CRTC1: variants seen among roughly 807,000 people sequenced by gnomAD.
CRTC1 encodes the protein CREB regulated transcription coactivator 1.
Under a neutral mutation model 66.1 loss-of-function variants are expected in CRTC1, and 18 were observed. The observed-to-expected ratio is 0.27, with a 90% CI of 0.19 to 0.40. The LOEUF is 0.40. Among genes scored for constraint, CRTC1 ranks in the 10% least tolerant of loss-of-function variants. The probability of loss-of-function intolerance (pLI) is 1.00; values close to 1 mark genes in which losing one functional copy is unlikely to be tolerated. For synonymous variants in CRTC1, 416 were observed against 398.8 expected (o/e 1.04, Z -0.51); for missense variants, 669 against 887.9 (o/e 0.75, Z 3.13).
In CRTC1 at chr19:18,781,341, T is replaced by C; in HGVS notation, c.*3959T>C. 1 of 227,744 alleles carries C rather than the reference T, an allele frequency of 4.4e-6. No homozygotes were observed. Among genetic ancestry groups the C allele is most frequent in the African/African-American group, 2.2e-5 (1 of 45,082 alleles). 14.1% of individuals were successfully genotyped at this position (227,744 alleles called of 1,614,324 possible). A position where few individuals can be genotyped will look rare whatever the true frequency, so the allele number is the denominator to read the frequency against. ...ACACCTGGGTCTCTTTCTACCCCCA[T>C]TCACCATGGACCAGGGGCCTCCATT... On this transcript the variant is annotated 3_prime_UTR_variant, in exon 14 of 14. Transcript: ENST00000321949.
intron 1 of CRTC1, among the ~76,000 whole-genome samples, chr19:18,730,630 C>T (rs750047676): frequency 1.3e-5 from 2 of 152,146 alleles, no homozygotes; most frequent in Non-Finnish European, 2.9e-5. Context: ...AGCCTCCACT[C>T]CCACCCCTGC....
intron 1 of CRTC1, among the ~76,000 whole-genome samples, chr19:18,707,341 C>T (rs1441343288): frequency 1.3e-5 from 2 of 152,072 alleles, no homozygotes; most frequent in Admixed American, 6.6e-5. Flanking sequence ...TTTCCAGAGC[C>T]GTTTTGTTGA....
intron 9 of CRTC1, among the ~76,000 whole-genome samples, chr19:18,766,311 G>C (rs1555787888): frequency 8.8e-6 from 1 of 113,988 alleles, no homozygotes; most frequent in South Asian, 2.9e-4. Flanking sequence ...TTTTTTTTTG[G>C]TATTTTTAGT....
chr19:18,726,942 A>G (rs1332169242), intron 1 of CRTC1, among the ~76,000 whole-genome samples: 1 of 151,510 alleles, frequency 6.6e-6, no homozygotes, highest in Admixed American at 6.6e-5. Flanking sequence ...AAAAAAAAAA[A>G]AAAAAAAAAA....
chr19:18,686,847 G>C (rs1357005099), intron 1 of CRTC1, among the ~76,000 whole-genome samples: 1 of 151,900 alleles, frequency 6.6e-6, no homozygotes, highest in South Asian at 2.1e-4. Flanking sequence ...GGGGACACTT[G>C]GTGATGTCTG....
chr19:18,709,891 C>T (rs1310802361), intron 1 of CRTC1, among the ~76,000 whole-genome samples: 4 of 152,194 alleles, frequency 2.6e-5, no homozygotes, highest in Non-Finnish European at 4.4e-5. Flanking sequence ...CCTCCAGCAG[C>T]GGTGACTTTG....
intron 1 of CRTC1, among the ~76,000 whole-genome samples, chr19:18,707,010 C>T (rs917693176): frequency 2.0e-5 from 3 of 152,046 alleles, no homozygotes; most frequent in Non-Finnish European, 2.9e-5. Flanking sequence ...CTGTTGATTA[C>T]GTCTTTTGAT....
chr19:18,691,835 T>A (rs1348017484), intron 1 of CRTC1, among the ~76,000 whole-genome samples: 1 of 152,042 alleles, frequency 6.6e-6, no homozygotes, highest in Non-Finnish European at 1.5e-5. Context: ...TGCCTCAGCC[T>A]CCCGAGTAAC....
At position 18,747,129 on chromosome 19, in the gene CRTC1, A is replaced by ACCCCCCCCCCCC. The variant is rs56040769; in HGVS notation, c.443+25_443+26insCCCCCCCCCCCC. On this transcript the variant is annotated intron_variant, in intron 4 of 13. Transcript: ENST00000321949. ...AGCTGGAGAAGGTCAGTGGCTGGACACCCCCCCCCCGCCCCCTTCTTGTTG... is the reference window on the plus strand; with the variant it reads ...AGCTGGAGAAGGTCAGTGGCTGGACACCCCCCCCCCCCCCCCCCCCCCGCCCCCTTCTTGTTG... The ACCCCCCCCCCCC allele has an allele frequency of 3.8e-5, 42 of 1,109,930 alleles. No homozygotes were observed. The highest frequency in any genetic ancestry group is 1.3e-4 in the South Asian group (9 of 69,400). 68.8% of individuals were successfully genotyped at this position (1,109,930 alleles called of 1,614,324 possible). A position where few individuals can be genotyped will look rare whatever the true frequency, so the allele number is the denominator to read the frequency against.
At chr19:18,745,757 T>A (rs1001762753) in intron 2 of CRTC1, 66 bp from the exon 3 acceptor site, 3 of 1,602,598 alleles carry the variant, frequency 1.9e-6, no homozygotes, top group Non-Finnish European at 8.5e-7. Flanking sequence ...GGGCCAGCGC[T>A]GGGGCCACAG....
At chr19:18,704,965 A>G (rs985730039) in intron 1 of CRTC1, among the ~76,000 whole-genome samples, 2 of 135,052 alleles carry the variant, frequency 1.5e-5, no homozygotes, top group African/African-American at 2.7e-5. Flanking sequence ...GCCCCTGGCA[A>G]CCACCATCCT....
Position 18,760,247 on chromosome 19 carries a change from G to A in CRTC1, c.886+19G>A, listed in dbSNP as rs181540924. ...GGCCAGGGTAAGGCAGGGACACTCCGCCCTCGGACAGAGCACTGGCTTGTG... is the reference window on the plus strand; with the variant it reads ...GGCCAGGGTAAGGCAGGGACACTCCACCCTCGGACAGAGCACTGGCTTGTG... On this transcript the variant is annotated intron_variant, in intron 8 of 13. Coordinates refer to ENST00000321949, the MANE Select transcript of CRTC1 (RefSeq NM_015321.3). This position sits in a 1 kb window ranked among gnomAD's most constrained non-coding sequence, Gnocchi z 6.2. 27 of 1,555,062 alleles carry A rather than the reference G, an allele frequency of 1.7e-5. No individual in the cohort carries two copies. In the African/African-American group the frequency reaches 2.2e-4, roughly 13 times the overall value.
Position 18,768,598 on chromosome 19 carries a change from C to A in CRTC1, c.1125C>A (p.Pro375=), listed in dbSNP as rs753440680. The A allele has an allele frequency of 2.4e-5, 37 of 1,541,302 alleles. No homozygotes were observed. In the African/African-American group the frequency reaches 4.8e-4, roughly 20 times the overall value. ...CCCAGCCCCCGCCGCCTCCTCCACC[C>A]GCGTCCCAGCAGCCACCACCCCCGC... The part of the protein sequence containing the change: ...PQPQPPPPPP[P]ASQQPPPPPP... Residue 375 remains proline (P), a synonymous_variant, in exon 10 of 14, where the codon CCC becomes CCA. Coordinates refer to ENST00000321949, the MANE Select transcript of CRTC1 (RefSeq NM_015321.3). This position sits in a 1 kb window ranked among gnomAD's most constrained non-coding sequence, Gnocchi z 5.6.
At chr19:18,710,940 C>T (rs2053377410) in intron 1 of CRTC1, among the ~76,000 whole-genome samples, 1 of 152,200 alleles carries the variant, frequency 6.6e-6, no homozygotes, top group Non-Finnish European at 1.5e-5. Flanking sequence ...TTAGGAAGCC[C>T]ATGCCCAGGC....
Position 18,753,571 on chromosome 19 carries a change from T to C in CRTC1, c.610T>C (p.Trp204Arg). 1 of 1,611,890 alleles carries C rather than the reference T, an allele frequency of 6.2e-7. No individual in the cohort carries two copies. The highest frequency in any genetic ancestry group is 1.3e-5 in the African/African-American group (1 of 74,910). The change falls in exon 6 of 14, where the codon TGG becomes CGG. Residue 204 changes from tryptophan (W) to arginine (R), a missense_variant. Trp to Arg is a moderately radical substitution (Grantham distance 101). Transcript: ENST00000321949. ...EADKNLSKQA[W>R]DTKKTGSRPK... ...AGACAAAAACCTTTCCAAGCAAGCATGGGACACCAAGAAGGTAAGAGCCTA... is the reference window on the plus strand; with the variant it reads ...AGACAAAAACCTTTCCAAGCAAGCACGGGACACCAAGAAGGTAAGAGCCTA...
chr19:18,736,059 G>T (rs1280067794), intron 1 of CRTC1, among the ~76,000 whole-genome samples: 1 of 152,194 alleles, frequency 6.6e-6, no homozygotes, highest in Non-Finnish European at 1.5e-5. Context: ...TTGGTTTTCA[G>T]CTGTTGACCC....
At position 18,707,981 on chromosome 19, in the gene CRTC1, A is replaced by C. The variant is rs2053304114; in HGVS notation, c.126+24153A>C. On this transcript the variant is annotated intron_variant, in intron 1 of 13. Coordinates refer to ENST00000321949, the MANE Select transcript of CRTC1 (RefSeq NM_015321.3). ...CTCTGTCAATGCATGAACAGTCCTCAGGACTGTAGCTTGCACAGGTAGTGC... is the reference window on the plus strand; with the variant it reads ...CTCTGTCAATGCATGAACAGTCCTCCGGACTGTAGCTTGCACAGGTAGTGC... 2.0e-5 allele frequency among the ~76,000 whole-genome samples: 3 copies of C among 152,224 alleles called. No individual in the cohort carries two copies. The South Asian group carries it at 6.2e-4, about 31-fold the overall frequency.
At chr19:18,720,573 A>G (rs1372130614) in intron 1 of CRTC1, among the ~76,000 whole-genome samples, 1 of 127,440 alleles carries the variant, frequency 7.8e-6, no homozygotes, top group Non-Finnish European at 1.6e-5. Flanking sequence ...TCACCATGTT[A>G]GTCAGGATGG....
intron 8 of CRTC1, among the ~76,000 whole-genome samples, chr19:18,762,333 G>T (rs1464593205): frequency 6.6e-6 from 1 of 152,230 alleles, no homozygotes; most frequent in East Asian, 1.9e-4. Context: ...CCTGACATGT[G>T]TTGGGTTGTT....
Sources: allele counts gnomAD v4.1 joint callset (sites outside exome capture counted in the v4.1 genomes callset), GRCh38; gene constraint gnomAD v4.1.1; non-coding constraint Gnocchi (gnomAD v3.1); transcripts MANE v1.5; gene names NCBI Gene and HGNC (gene_info 2026-07-23, HGNC 2026-07-21).